Variants in MORF4L1 observed in about 807,000 individuals in gnomAD.
MORF4L1 encodes mortality factor 4 like 1.
In MORF4L1, 4 loss-of-function variants were observed where a neutral mutation model predicts 52.9. That is an observed-to-expected ratio of 0.08 (90% CI 0.04 to 0.17). MORF4L1 has a LOEUF of 0.17. MORF4L1 is among the 10% of genes least tolerant of loss of function. The pLI, the probability that MORF4L1 is intolerant of heterozygous loss-of-function variation, is 1.00. For missense variants in MORF4L1, 214 were observed against 390.4 expected (o/e 0.55, Z 3.81); for synonymous variants, 123 against 134.8 (o/e 0.91, Z 0.61).
At chr15:78,878,844 A>G (rs929257507) in intron 2 of MORF4L1, among the ~76,000 whole-genome samples, 1 of 152,206 alleles carries the variant, frequency 6.6e-6, no homozygotes, top group Non-Finnish European at 1.5e-5. Context: ...TTTTAGTACA[A>G]ATATTTAAGA....
chr15:78,875,966 C>G (rs1290217711), intron 1 of MORF4L1, among the ~76,000 whole-genome samples: 1 of 151,798 alleles, frequency 6.6e-6, no homozygotes, highest in African/African-American at 2.4e-5. Flanking sequence ...TTGAGACAGT[C>G]TTGCTCTGTC....
At chr15:78,886,763 G>T (rs1007889006) in intron 4 of MORF4L1, among the ~76,000 whole-genome samples, 2 of 152,128 alleles carry the variant, frequency 1.3e-5, no homozygotes, top group Non-Finnish European at 2.9e-5. Flanking sequence ...AGACCATCCT[G>T]GCTAACACGG....
intron 3 of MORF4L1, among the ~76,000 whole-genome samples, chr15:78,881,225 CT>C (rs1276678613): frequency 1.4e-5 from 1 of 70,058 alleles, no homozygotes; most frequent in Admixed American, 2.5e-4. Flanking sequence ...TGGAGTTTTG[CT>C]TTCGTTGCCC....
rs10519219 is a variant in MORF4L1 at position 78,897,790 on chromosome 15, T to C, written c.*723T>C. 0.13 allele frequency: 19,982 copies of C among 152,634 alleles called. 1,396 individuals are homozygous for C. The highest frequency in any genetic ancestry group is 0.26 in the East Asian group (1,347 of 5,182). The allele number at this position is 152,634 out of a possible 1,614,324, so 9.5% of individuals were successfully genotyped here. ...AACCATTGTATATTTGTGTATTCCT[T>C]CTTGTATTTAGACAGTGGTTTTTCA... On this transcript the variant is annotated 3_prime_UTR_variant, in exon 12 of 12. Coordinates refer to ENST00000426013, the MANE Select transcript of MORF4L1 (RefSeq NM_006791.4).
At chr15:78,876,471 C>A (rs1442448780) in intron 1 of MORF4L1, 4 of 454,326 alleles carry the variant, frequency 8.8e-6, no homozygotes, top group Non-Finnish European at 1.3e-5. Context: ...TACTCCTCAG[C>A]TAGCTGTATA....
chr15:78,879,859 T>C (rs1026678459), intron 2 of MORF4L1, among the ~76,000 whole-genome samples: 4 of 152,186 alleles, frequency 2.6e-5, no homozygotes, highest in African/African-American at 9.7e-5. Flanking sequence ...CAAACTCTAC[T>C]AAACTGGCTG....
At chr15:78,879,472 G>T in intron 2 of MORF4L1, among the ~76,000 whole-genome samples, 1 of 140,064 alleles carries the variant, frequency 7.1e-6, no homozygotes, top group African/African-American at 2.6e-5. Context: ...CACCTGCCTC[G>T]GCCTCCCAAA....
chr15:78,885,154 C>T, intron 3 of MORF4L1: 1 of 1,264,144 alleles, frequency 7.9e-7, no homozygotes, highest in South Asian at 1.3e-5. Context: ...TTCCTCTTGG[C>T]TGTATTATAT....
chr15:78,892,095 C>A lies in MORF4L1; in HGVS notation c.439-117C>A, dbSNP rs898080601. 5 of 632,678 alleles carry A rather than the reference C, an allele frequency of 7.9e-6. No individual in the cohort carries two copies. In the Admixed American group the frequency reaches 1.2e-4, roughly 15 times the overall value. The allele number at this position is 632,678 out of a possible 1,614,324, so 39.2% of individuals were successfully genotyped here. Reference sequence around the variant, plus strand: ...ATGATTTTAAAAAATGACAGTACAGCTGTATGCTTGGCTACTTTAAGATTT... The same window carrying A: ...ATGATTTTAAAAAATGACAGTACAGATGTATGCTTGGCTACTTTAAGATTT... On this transcript the variant is annotated intron_variant, in intron 7 of 11. Coordinates refer to ENST00000426013, the MANE Select transcript of MORF4L1 (RefSeq NM_006791.4).
intron 11 of MORF4L1, among the ~76,000 whole-genome samples, chr15:78,895,447 G>C (rs1473239648): frequency 2.6e-5 from 4 of 152,208 alleles, no homozygotes; most frequent in African/African-American, 7.2e-5. Context: ...GCACTTGTCA[G>C]ATTGGCTAAG....
At chr15:78,887,570 T>G (rs1159937049) in intron 5 of MORF4L1, 1 of 367,132 alleles carries the variant, frequency 2.7e-6, no homozygotes, top group Admixed American at 4.6e-5. Context: ...TATAAATATA[T>G]GTGTGTGATG....
chr15:78,895,089 T>TA (rs2056864791), intron 11 of MORF4L1, among the ~76,000 whole-genome samples, 185 bp downstream of exon 11: 1 of 152,148 alleles, frequency 6.6e-6, no homozygotes, highest in Non-Finnish European at 1.5e-5. Flanking sequence ...ATATAGATGA[T>TA]ATATTGGTGC....
intron 3 of MORF4L1, among the ~76,000 whole-genome samples, chr15:78,881,585 A>AT (rs1308843037): frequency 6.6e-6 from 1 of 152,176 alleles, no homozygotes; most frequent in Non-Finnish European, 1.5e-5. Flanking sequence ...ACATTCTAGA[A>AT]TGTCCATCCA....
intron 2 of MORF4L1, among the ~76,000 whole-genome samples, chr15:78,880,084 A>T (rs1015262336): frequency 6.6e-6 from 1 of 152,244 alleles, no homozygotes; most frequent in Non-Finnish European, 1.5e-5. Flanking sequence ...TCATTGCTTT[A>T]CAAGTTGTTT....
chr15:78,885,888 A>G (rs909439963), intron 3 of MORF4L1, among the ~76,000 whole-genome samples: 3 of 152,236 alleles, frequency 2.0e-5, no homozygotes, highest in East Asian at 1.9e-4. Flanking sequence ...CTCTTAAGCC[A>G]TTTCTAAAAA....
intron 6 of MORF4L1, chr15:78,891,270 A>T (rs112116872): frequency 2.5e-5 from 16 of 652,242 alleles, no homozygotes; most frequent in African/African-American, 2.0e-4. Context: ...AAATAAATGG[A>T]AGATGGTGAT....
At chr15:78,885,042 T>C (rs752694870) in intron 3 of MORF4L1, 3 of 1,614,034 alleles carry the variant, frequency 1.9e-6, no homozygotes, top group Non-Finnish European at 2.5e-6. Flanking sequence ...TTCCTGTTCC[T>C]GAAGGAGCTC....
intron 10 of MORF4L1, 183 bp downstream of exon 10, chr15:78,894,413 A>G: frequency 2.1e-6 from 1 of 483,926 alleles, no homozygotes; most frequent in Admixed American, 4.3e-5. Context: ...ATTTTATTTT[A>G]TAATTTTTTT....
chr15:78,892,163 A>G (rs761929121), intron 7 of MORF4L1, 49 bp from the exon 8 acceptor site: 1 of 1,352,368 alleles, frequency 7.4e-7, no homozygotes, highest in Non-Finnish European at 1.0e-6. Context: ...CATGTTTGGT[A>G]TTTAGCAAGA....
Sources: allele counts gnomAD v4.1 joint callset (sites outside exome capture counted in the v4.1 genomes callset), GRCh38; gene constraint gnomAD v4.1.1; transcripts MANE v1.5; gene names NCBI Gene and HGNC (gene_info 2026-07-23, HGNC 2026-07-21).